The following SIPA1L1 variants were observed in gnomAD, a reference collection of about 807,000 sequenced individuals.
SIPA1L1 encodes signal induced proliferation associated 1 like 1, also known as signal-induced proliferation-associated 1-like protein 1.
A neutral mutation model predicts 162.7 loss-of-function variants in SIPA1L1; 26 were observed. That is an observed-to-expected ratio of 0.16 (90% CI 0.12 to 0.22). The LOEUF is 0.22. SIPA1L1 is among the 10% of genes least tolerant of loss of function. SIPA1L1 has a pLI of 1.00. For synonymous variants in SIPA1L1, 829 were observed against 837.4 expected (o/e 0.99, Z 0.17); for missense variants, 1,874 against 2,241.0 (o/e 0.84, Z 3.31).
At chr14:71,426,835 A>T (rs962316752) in intron 2 of SIPA1L1, among the ~76,000 whole-genome samples, 2 of 152,286 alleles carry the variant, frequency 1.3e-5, no homozygotes, top group East Asian at 3.9e-4. Context: ...TTCCTCTAAT[A>T]GTTCAGGCAC....
chr14:71,684,538 C>G (rs2046104058), intron 12 of SIPA1L1, among the ~76,000 whole-genome samples: 1 of 152,260 alleles, frequency 6.6e-6, no homozygotes, highest in Admixed American at 6.5e-5. Flanking sequence ...GTGAAATGGT[C>G]TGTAAGCTGC....
chr14:71,469,572 C>T (rs1046659484), intron 2 of SIPA1L1, among the ~76,000 whole-genome samples: 24 of 152,078 alleles, frequency 1.6e-4, no homozygotes, highest in Non-Finnish European at 2.6e-4. Flanking sequence ...CTCATCGTAG[C>T]GAAGATATCT....
At chr14:71,545,121 A>G (rs918993038) in intron 4 of SIPA1L1, among the ~76,000 whole-genome samples, 1 of 152,184 alleles carries the variant, frequency 6.6e-6, no homozygotes, top group South Asian at 2.1e-4. Context: ...TGGCTCCCCA[A>G]AATGCTAGGA....
chr14:71,700,952 G>A (rs1021655036), intron 14 of SIPA1L1, among the ~76,000 whole-genome samples: 14 of 124,508 alleles, frequency 1.1e-4, no homozygotes, highest in African/African-American at 2.4e-4. Flanking sequence ...CCGAGATTGC[G>A]CCACTGCACT....
At chr14:71,385,756 C>T (rs1464638084) in intron 2 of SIPA1L1, among the ~76,000 whole-genome samples, 14 of 146,854 alleles carry the variant, frequency 9.5e-5, no homozygotes, top group African/African-American at 2.8e-4. Context: ...GGCGCAATCT[C>T]GGCTCACTGC....
chr14:71,678,655 T>C (rs2045469675), intron 12 of SIPA1L1, among the ~76,000 whole-genome samples: 1 of 152,176 alleles, frequency 6.6e-6, no homozygotes, highest in Non-Finnish European at 1.5e-5. Context: ...GCTGGCCTCA[T>C]AAAATGAGTT....
At chr14:71,627,410 G>A (rs1353057203) in intron 7 of SIPA1L1, among the ~76,000 whole-genome samples, 1 of 151,938 alleles carries the variant, frequency 6.6e-6, no homozygotes, top group Admixed American at 6.5e-5. Context: ...GCCTCCCAAA[G>A]TGCTGGAATT....
chr14:71,344,643 G>A (rs759919090), intron 2 of SIPA1L1, among the ~76,000 whole-genome samples: 6 of 152,102 alleles, frequency 3.9e-5, no homozygotes, highest in Non-Finnish European at 5.9e-5. Context: ...CACTGCAACC[G>A]CTGCCTCCTG....
Position 71,723,780 on chromosome 14 carries a change from G to C in SIPA1L1, c.4342G>C (p.Gly1448Arg). ...SFSSSSSSSSGPRSFYPRQGA... is the reference protein window; with the variant it reads ...SFSSSSSSSSRPRSFYPRQGA... ...CTCCTCCTCTTCCTCCTCCTCCTCTGGTCCTAGGAGTTTTTACCCTCGCCA... is the reference window on the plus strand; with the variant it reads ...CTCCTCCTCTTCCTCCTCCTCCTCTCGTCCTAGGAGTTTTTACCCTCGCCA... Residue 1448 changes from glycine to arginine, a missense_variant, in exon 18 of 24, where the codon GGT becomes CGT. This residue lies in a region of SIPA1L1 where 936 missense variants were observed against 1,051.9 expected (regional missense o/e 0.89). Coordinates refer to ENST00000381232, the MANE Select transcript of SIPA1L1 (RefSeq NM_001386936.1). The C allele has an allele frequency of 1.2e-6, 2 of 1,614,114 alleles. No homozygotes were observed. Among genetic ancestry groups the C allele is most frequent in the Non-Finnish European group, 1.7e-6 (2 of 1,180,016 alleles).
At chr14:71,422,792 T>C (rs765769729) in intron 2 of SIPA1L1, among the ~76,000 whole-genome samples, 1 of 152,196 alleles carries the variant, frequency 6.6e-6, no homozygotes, top group Non-Finnish European at 1.5e-5. Flanking sequence ...TGAAAATGAG[T>C]GTACAAATAT....
chr14:71,575,017 A>G (rs2032777528), intron 4 of SIPA1L1: 1 of 152,212 alleles, frequency 6.6e-6, no homozygotes, highest in Admixed American at 6.5e-5. Flanking sequence ...TCTGTTGACA[A>G]GTTGCCAGAA....
intron 4 of SIPA1L1, among the ~76,000 whole-genome samples, chr14:71,585,697 G>A (rs1339012531): frequency 6.6e-6 from 1 of 152,212 alleles, no homozygotes; most frequent in Non-Finnish European, 1.5e-5. Flanking sequence ...GGGAATGAAA[G>A]ATGATTTATT....
intron 2 of SIPA1L1, among the ~76,000 whole-genome samples, chr14:71,506,390 G>T (rs1284001838): frequency 6.6e-6 from 1 of 152,088 alleles, no homozygotes; most frequent in Non-Finnish European, 1.5e-5. Flanking sequence ...GCCTAGGATG[G>T]AGTGCAGTGG....
chr14:71,504,787 A>G (rs1013464513), intron 2 of SIPA1L1, among the ~76,000 whole-genome samples: 1 of 152,294 alleles, frequency 6.6e-6, no homozygotes, highest in African/African-American at 2.4e-5. Flanking sequence ...AAATTATTTT[A>G]TTTGGGGTTT....
rs765536269 is a variant in SIPA1L1 at position 71,661,275 on chromosome 14, T to C, written c.2098-35T>C. 6 of 1,604,664 alleles carry C rather than the reference T, an allele frequency of 3.7e-6. No homozygotes were observed. The Admixed American group carries it at 5.1e-5, about 14-fold the overall frequency. On this transcript the variant is annotated intron_variant, in intron 9 of 23. Coordinates refer to ENST00000381232, the MANE Select transcript of SIPA1L1 (RefSeq NM_001386936.1). Reference sequence around the variant, plus strand: ...TGGGGTGGCGGGGGAAGCAAATGATTGTTATTTATGTTGGTTGCTTATTTT... The same window carrying C: ...TGGGGTGGCGGGGGAAGCAAATGATCGTTATTTATGTTGGTTGCTTATTTT...
intron 14 of SIPA1L1, 132 bp from the exon 15 acceptor site, chr14:71,702,249 A>T (rs1246378685): frequency 1.1e-6 from 1 of 870,432 alleles, no homozygotes; most frequent in African/African-American, 1.7e-5. Context: ...CAGGGTGTGT[A>T]TACAAGTACA....
chr14:71,554,342 G>A (rs2056154093), intron 4 of SIPA1L1, among the ~76,000 whole-genome samples: 1 of 43,296 alleles, frequency 2.3e-5, no homozygotes, highest in African/African-American at 2.6e-4. Context: ...AAAAGCAGAT[G>A]ACCTTAAAAT....
chr14:71,435,625 G>T (rs983350085), intron 2 of SIPA1L1, among the ~76,000 whole-genome samples: 4 of 152,098 alleles, frequency 2.6e-5, no homozygotes, highest in Non-Finnish European at 4.4e-5. Context: ...GGATAGTGCC[G>T]CAATAAACAT....
intron 2 of SIPA1L1, among the ~76,000 whole-genome samples, chr14:71,444,317 A>C (rs1437764763): frequency 6.6e-6 from 1 of 152,210 alleles, no homozygotes; most frequent in Admixed American, 6.5e-5. Context: ...GATTTCATTT[A>C]CTTCAATGAG....
Sources: allele counts gnomAD v4.1 joint callset (sites outside exome capture counted in the v4.1 genomes callset), GRCh38; gene constraint gnomAD v4.1.1; regional missense constraint gnomAD v4.1.1; transcripts MANE v1.5; gene names NCBI Gene and HGNC (gene_info 2026-07-23, HGNC 2026-07-21).